LRBA: variants seen among roughly 807,000 people sequenced by gnomAD.
The protein encoded by LRBA is LPS responsive beige-like anchor protein, also known as lipopolysaccharide-responsive and beige-like anchor protein.
In LRBA, 176 loss-of-function variants were observed where a neutral mutation model predicts 330.0. The observed-to-expected ratio is 0.53, with a 90% CI of 0.47 to 0.60. The LOEUF (loss-of-function observed/expected upper bound fraction) is 0.60. LRBA is among the 20% of genes least tolerant of loss of function. The pLI, the probability that LRBA is intolerant of heterozygous loss-of-function variation, is 0.00. For synonymous variants in LRBA, 1,230 were observed against 1,193.0 expected (o/e 1.03, Z -0.64); for missense variants, 3,259 against 3,444.8 (o/e 0.95, Z 1.35).
At chr4:150,871,835 C>A (rs1753484370) in intron 18 of LRBA, among the ~76,000 whole-genome samples, 1 of 152,006 alleles carries the variant, frequency 6.6e-6, no homozygotes, top group African/African-American at 2.4e-5. Flanking sequence ...AGTAGAAAAA[C>A]AATGTGGAGA....
At chr4:150,994,061 T>C (rs1742382113) in intron 2 of LRBA, among the ~76,000 whole-genome samples, 3 of 135,442 alleles carry the variant, frequency 2.2e-5, no homozygotes, top group African/African-American at 9.3e-5. Flanking sequence ...CAAGACTCTG[T>C]CTCAAAAAAA....
At chr4:150,743,019 G>C (rs1732225822) in intron 35 of LRBA, among the ~76,000 whole-genome samples, 1 of 152,194 alleles carries the variant, frequency 6.6e-6, no homozygotes, top group African/African-American at 2.4e-5. Flanking sequence ...CCAGGCTAGA[G>C]TACAGTGACA....
At chr4:150,700,285 G>C (rs1784995645) in intron 36 of LRBA, among the ~76,000 whole-genome samples, 1 of 152,062 alleles carries the variant, frequency 6.6e-6, no homozygotes, top group South Asian at 2.1e-4. Flanking sequence ...ACATCATACT[G>C]TTTATAGCCT....
chr4:150,938,237 G>A (rs571077234), intron 2 of LRBA, among the ~76,000 whole-genome samples: 1 of 152,094 alleles, frequency 6.6e-6, no homozygotes, highest in Non-Finnish European at 1.5e-5. Flanking sequence ...TTAACTAAGA[G>A]TAAGCTTCTT....
At chr4:150,446,051 T>C (rs567951253) in intron 44 of LRBA, among the ~76,000 whole-genome samples, 6 of 151,962 alleles carry the variant, frequency 3.9e-5, no homozygotes, top group African/African-American at 1.4e-4. Context: ...TTAAGGGAAA[T>C]AAGCCAAGCA....
chr4:150,820,061 G>A (rs542592587), intron 30 of LRBA, among the ~76,000 whole-genome samples: 1 of 151,996 alleles, frequency 6.6e-6, no homozygotes, highest in South Asian at 2.1e-4. Flanking sequence ...TTGCTTGTTA[G>A]GTAATATAAA....
intron 50 of LRBA, among the ~76,000 whole-genome samples, chr4:150,318,226 T>G (rs1731986164): frequency 6.6e-6 from 1 of 152,248 alleles, no homozygotes; most frequent in Non-Finnish European, 1.5e-5. Flanking sequence ...GAATTTTTTT[T>G]AAGAAGAAGG....
At chr4:150,344,988 T>C (rs939516346) in intron 48 of LRBA, among the ~76,000 whole-genome samples, 1 of 152,186 alleles carries the variant, frequency 6.6e-6, no homozygotes, top group African/African-American at 2.4e-5. Flanking sequence ...GCAGGAAGGG[T>C]ATGCAGTTGC....
chr4:150,929,052 T>A lies in LRBA; in HGVS notation c.230A>T (p.Gln77Leu), dbSNP rs1254379836. ...AATGAAATTCATTTCCAGATCAAAC[T>A]GTCCTCCTACCAACTTACAAGGAAA... ...ETVFNLLVGG[Q>L]FDLEMNFIIQ... Residue 77 changes from glutamine (Q) to leucine (L), a missense_variant, in exon 3 of 57, where the codon CAG becomes CTG. Gln to Leu is a moderately radical substitution (Grantham distance 113). Transcript: ENST00000651943. The A allele has an allele frequency of 6.2e-7, 1 of 1,609,850 alleles. No homozygotes were observed. Among genetic ancestry groups the A allele is most frequent in the Non-Finnish European group, 8.5e-7 (1 of 1,177,752 alleles).
intron 37 of LRBA, among the ~76,000 whole-genome samples, chr4:150,665,445 G>A (rs925714278): frequency 1.3e-5 from 2 of 152,002 alleles, no homozygotes; most frequent in African/African-American, 4.8e-5. Flanking sequence ...CTGACCCTTT[G>A]TAAAGGATGA....
intron 36 of LRBA, among the ~76,000 whole-genome samples, chr4:150,700,054 C>G (rs777630325): frequency 1.1e-4 from 16 of 152,038 alleles, no homozygotes; most frequent in Non-Finnish European, 2.2e-4. Context: ...GATATTCAAC[C>G]AGTAATATAA....
At chr4:150,498,562 G>A (rs1759858477) in intron 40 of LRBA, among the ~76,000 whole-genome samples, 1 of 152,028 alleles carries the variant, frequency 6.6e-6, no homozygotes, top group South Asian at 2.1e-4. Context: ...CCATAGCAAG[G>A]AACATGAATA....
chr4:150,915,584 T>C (rs779113615), intron 8 of LRBA, 24 bp downstream of exon 8: 1 of 1,587,654 alleles, frequency 6.3e-7, no homozygotes, highest in Non-Finnish European at 8.5e-7. Context: ...ACTTTTTTCA[T>C]TGCAACATTT....
chr4:150,588,959 C>T (rs1480350423), intron 39 of LRBA, among the ~76,000 whole-genome samples: 1 of 151,530 alleles, frequency 6.6e-6, no homozygotes, highest in Admixed American at 6.6e-5. Flanking sequence ...ACAGACAGAA[C>T]AGCATAATGT....
chr4:150,718,252 G>A (rs1414927483), intron 36 of LRBA, among the ~76,000 whole-genome samples: 1 of 107,296 alleles, frequency 9.3e-6, no homozygotes, highest in South Asian at 2.8e-4. Context: ...CTAAATAGAT[G>A]CACATTGCAG....
intron 47 of LRBA, among the ~76,000 whole-genome samples, chr4:150,407,446 A>T (rs1185731943): frequency 2.0e-5 from 3 of 152,164 alleles, no homozygotes; most frequent in African/African-American, 7.2e-5. Context: ...CACTAGCAAA[A>T]CAAAAACAAA....
rs1273016819 is a variant in LRBA at position 150,953,819 on chromosome 4, G to A, written c.217-24754C>T. ...AAGTGAGAAGCGTCTCTGCCCGGCC[G>A]CCCATCATCTGGGATGTGAGGAGCC... On this transcript the variant is annotated intron_variant, in intron 2 of 56. Transcript: ENST00000651943. Among the ~76,000 whole-genome samples the A allele has an allele frequency of 8.7e-4, 131 of 150,586 alleles. 1 individual carries two copies. The highest frequency in any genetic ancestry group is 3.3e-4 in the Non-Finnish European group (22 of 67,600).
At chr4:150,634,917 G>A (rs1037281347) in intron 37 of LRBA, among the ~76,000 whole-genome samples, 11 of 152,166 alleles carry the variant, frequency 7.2e-5, no homozygotes, top group Non-Finnish European at 1.0e-4. Flanking sequence ...GACCCAGGGC[G>A]TATATACCAT....
intron 16 of LRBA, among the ~76,000 whole-genome samples, chr4:150,893,981 G>A (rs376280213): frequency 2.0e-4 from 31 of 152,202 alleles, no homozygotes; most frequent in South Asian, 6.2e-4. Flanking sequence ...GCCCGGCCTC[G>A]AAACAATTTC....
Sources: allele counts gnomAD v4.1 joint callset (sites outside exome capture counted in the v4.1 genomes callset), GRCh38; gene constraint gnomAD v4.1.1; transcripts MANE v1.5; gene names NCBI Gene and HGNC (gene_info 2026-07-23, HGNC 2026-07-21).